The following UBE2Q2 variants were observed in gnomAD, a reference collection of about 807,000 sequenced individuals.
UBE2Q2 encodes the protein ubiquitin conjugating enzyme E2 Q2, also known as ubiquitin-conjugating enzyme E2 Q2.
In UBE2Q2, 54 loss-of-function variants were observed where a neutral mutation model predicts 59.9. That is an observed-to-expected ratio of 0.90 (90% CI 0.72 to 1.13). The LOEUF (loss-of-function observed/expected upper bound fraction) is 1.13. UBE2Q2 is among the 50% of genes most tolerant of loss of function. UBE2Q2 has a pLI of 0.00. For synonymous variants in UBE2Q2, 165 were observed against 155.2 expected (o/e 1.06, Z -0.47); for missense variants, 433 against 441.9 (o/e 0.98, Z 0.18).
intron 11 of UBE2Q2, chr15:75,895,445 A>G (rs1899357658): frequency 6.6e-6 from 1 of 152,062 alleles, no homozygotes; most frequent in African/African-American, 2.4e-5. Flanking sequence ...AGCCTCTAAA[A>G]GTACTGGGAT....
rs561919236 is a variant in UBE2Q2 at position 75,879,350 on chromosome 15, A to T, written c.825+162A>T. Among the ~76,000 whole-genome samples, 10 of 152,332 alleles carry T rather than the reference A, an allele frequency of 6.6e-5. 1 individual carries two copies. In the South Asian group the frequency reaches 2.1e-3, roughly 32 times the overall value. On this transcript the variant is annotated intron_variant, in intron 8 of 12. Transcript: ENST00000267938. ...TAAGACGTGAGTACTTAGGCGTACC[A>T]GGAGACACAGGAATGTTCAGAGCAG...
chr15:75,872,346 G>A (rs540198696), intron 4 of UBE2Q2, among the ~76,000 whole-genome samples: 69 of 150,800 alleles, frequency 4.6e-4, no homozygotes, highest in African/African-American at 1.5e-3. Flanking sequence ...GCCGAGATGC[G>A]TATAAACTAC....
intron 1 of UBE2Q2, among the ~76,000 whole-genome samples, chr15:75,846,439 T>C (rs1325975458): frequency 6.6e-6 from 1 of 152,084 alleles, no homozygotes; most frequent in East Asian, 1.9e-4. Context: ...GGTTTCACCA[T>C]GTTGGCCAGG....
intron 5 of UBE2Q2, among the ~76,000 whole-genome samples, chr15:75,875,209 C>A (rs968615720): frequency 1.3e-5 from 2 of 152,236 alleles, no homozygotes; most frequent in South Asian, 2.1e-4. Context: ...TCTTCATAGC[C>A]ACCGTGTGAA....
At chr15:75,849,400 A>G (rs573801065) in intron 1 of UBE2Q2, among the ~76,000 whole-genome samples, 1 of 152,186 alleles carries the variant, frequency 6.6e-6, no homozygotes, top group African/African-American at 2.4e-5. Flanking sequence ...TGTGTCCTAC[A>G]TTTGGAAAGA....
intron 8 of UBE2Q2, 92 bp downstream of exon 8, chr15:75,879,280 T>TA (rs1567035183): frequency 1.4e-6 from 1 of 697,502 alleles, no homozygotes; most frequent in African/African-American, 1.8e-5. Context: ...AAGTAGAAGA[T>TA]ACTCATACCC....
intron 3 of UBE2Q2, among the ~76,000 whole-genome samples, chr15:75,863,510 C>T (rs1174558151): frequency 6.6e-6 from 1 of 151,138 alleles, no homozygotes; most frequent in African/African-American, 2.4e-5. Context: ...GTGGCGCGAT[C>T]TCAACTCACT....
intron 5 of UBE2Q2, 38 bp from the exon 6 acceptor site, chr15:75,876,149 T>C (rs899418950): frequency 1.9e-5 from 30 of 1,593,244 alleles, no homozygotes; most frequent in Non-Finnish European, 2.5e-5. Context: ...AAATCTTAGC[T>C]CAGCAGACCC....
chr15:75,847,483 A>G (rs759040555), intron 1 of UBE2Q2, among the ~76,000 whole-genome samples: 5 of 152,188 alleles, frequency 3.3e-5, no homozygotes, highest in Non-Finnish European at 5.9e-5. Flanking sequence ...TTAAATAATG[A>G]AGGGAAAAGA....
chr15:75,854,519 T>C (rs1179757097), intron 2 of UBE2Q2, 32 bp downstream of exon 2: 21 of 1,395,606 alleles, frequency 1.5e-5, no homozygotes, highest in Non-Finnish European at 2.0e-5. Context: ...TTTTCTCTTT[T>C]CCTCATGAAC....
At chr15:75,877,890 T>C (rs1898173559) in intron 6 of UBE2Q2, 71 bp from the exon 7 acceptor site, 10 of 1,414,934 alleles carry the variant, frequency 7.1e-6, no homozygotes, top group Non-Finnish European at 7.8e-6. Flanking sequence ...CTATTTAGTG[T>C]ATACATTTAT....
chr15:75,895,906 C>T (rs895611429), intron 11 of UBE2Q2, among the ~76,000 whole-genome samples: 16 of 152,094 alleles, frequency 1.1e-4, no homozygotes, highest in South Asian at 2.1e-4. Context: ...AGCAGATATA[C>T]GTACAAGGTT....
Position 75,877,179 on chromosome 15 carries a change from A to T in UBE2Q2, c.674-782A>T, listed in dbSNP as rs868068103. Among the ~76,000 whole-genome samples, 471 of 150,858 alleles carry T rather than the reference A, an allele frequency of 3.1e-3. 5 individuals are homozygous for T. Among genetic ancestry groups the T allele is most frequent in the African/African-American group, 0.011 (463 of 40,966 alleles). On this transcript the variant is annotated intron_variant, in intron 6 of 12. Coordinates refer to ENST00000267938, the MANE Select transcript of UBE2Q2 (RefSeq NM_173469.4). ...TCTGTCAAAAAAAAAAAAAAAAAAA[A>T]AAAAGGGTTATGACCGATTCAATTC... is the stretch of plus-strand genomic sequence containing the variant.
At chr15:75,856,683 C>T (rs867050986) in intron 2 of UBE2Q2, among the ~76,000 whole-genome samples, 1 of 152,182 alleles carries the variant, frequency 6.6e-6, no homozygotes, top group Admixed American at 6.5e-5. Context: ...ATGGCTCACG[C>T]CTGTAATCCC....
intron 9 of UBE2Q2, among the ~76,000 whole-genome samples, chr15:75,886,840 G>T (rs1251650131): frequency 6.6e-6 from 1 of 151,772 alleles, no homozygotes; most frequent in African/African-American, 2.4e-5. Context: ...TCCAGCCTGG[G>T]CAATAGGGCG....
chr15:75,857,719 A>G (rs1437050596), intron 2 of UBE2Q2, among the ~76,000 whole-genome samples: 1 of 151,662 alleles, frequency 6.6e-6, no homozygotes, highest in Admixed American at 6.6e-5. Context: ...AATAAAAATC[A>G]TAGTGTATAG....
At chr15:75,879,012 T>G (rs563266504) in intron 7 of UBE2Q2, 86 bp from the exon 8 acceptor site, 1 of 924,822 alleles carries the variant, frequency 1.1e-6, no homozygotes, top group African/African-American at 1.7e-5. Context: ...CTATTTTAGC[T>G]GTCATACTAG....
intron 4 of UBE2Q2, 79 bp from the exon 5 acceptor site, chr15:75,873,349 T>C (rs1356423319): frequency 2.2e-6 from 3 of 1,390,194 alleles, no homozygotes; most frequent in African/African-American, 2.9e-5. Context: ...GAGTCAAGAA[T>C]AATTTAATGT....
At chr15:75,870,387 A>G (rs897325103) in intron 4 of UBE2Q2, among the ~76,000 whole-genome samples, 1 of 152,136 alleles carries the variant, frequency 6.6e-6, no homozygotes, top group African/African-American at 2.4e-5. Context: ...GGCTTGTTTT[A>G]TGAGTCTGGG....
Sources: allele counts gnomAD v4.1 joint callset (sites outside exome capture counted in the v4.1 genomes callset), GRCh38; gene constraint gnomAD v4.1.1; transcripts MANE v1.5; gene names NCBI Gene and HGNC (gene_info 2026-07-23, HGNC 2026-07-21).